Variants in IL1R1 observed in about 807,000 individuals in gnomAD.
The protein encoded by IL1R1 is interleukin-1 receptor type 1.
A neutral mutation model predicts 50.2 loss-of-function variants in IL1R1; 22 were observed. The ratio of observed to expected loss-of-function variants is 0.44; its 90% CI spans 0.31 to 0.63. The LOEUF is 0.63. IL1R1 is among the 20% of genes least tolerant of loss of function. The pLI is 0.07. For missense variants in IL1R1, 509 were observed against 676.2 expected (o/e 0.75, Z 2.74); for synonymous variants, 251 against 236.7 (o/e 1.06, Z -0.55).
intron 2 of IL1R1, among the ~76,000 whole-genome samples, chr2:102,157,022 A>G (rs1338606956): frequency 6.6e-6 from 1 of 152,198 alleles, no homozygotes; most frequent in Non-Finnish European, 1.5e-5. Context: ...TCTACTCTAG[A>G]CATTGCTCCT....
chr2:102,111,972 T>C (rs956280279), intron 1 of IL1R1, among the ~76,000 whole-genome samples: 2 of 152,182 alleles, frequency 1.3e-5, no homozygotes, highest in African/African-American at 4.8e-5. Context: ...GCCATGGCTC[T>C]CTGTGCTCAG....
Position 102,176,423 on chromosome 2 carries a change from A to T in IL1R1, c.1374A>T (p.Thr458=), listed in dbSNP as rs764003883. The change falls in exon 12 of 12, where the codon ACA becomes ACT. Residue 458 remains threonine, a synonymous_variant. Transcript: ENST00000410023. The part of the protein sequence containing the change: ...RRLIIILVRE[T]SGFSWLGGSS... ...TGATTATCATTTTAGTCAGAGAAAC[A>T]TCAGGCTTCAGCTGGCTGGGTGGTT... is the stretch of plus-strand genomic sequence containing the variant. The T allele has an allele frequency of 2.5e-6, 4 of 1,614,108 alleles. No homozygotes were observed. The East Asian group carries it at 8.9e-5, about 36-fold the overall frequency.
chr2:102,139,693 C>T (rs1184804590), upstream of IL1R1, among the ~76,000 whole-genome samples: 1 of 152,144 alleles, frequency 6.6e-6, no homozygotes, highest in African/African-American at 2.4e-5. Context: ...GTGAGTGGCA[C>T]CTCCCGCACC....
At chr2:102,096,346 A>G (rs1335010426) in intron 1 of IL1R1, among the ~76,000 whole-genome samples, 2 of 152,236 alleles carry the variant, frequency 1.3e-5, no homozygotes, top group Non-Finnish European at 2.9e-5. Flanking sequence ...AGTGATTTAT[A>G]TCACATCAAA....
At chr2:102,172,249 A>C in intron 8 of IL1R1, 1 of 984,824 alleles carries the variant, frequency 1.0e-6, no homozygotes, top group African/African-American at 1.7e-5. Flanking sequence ...AATGAGCTCA[A>C]GAATCAGGCA....
intron 1 of IL1R1, among the ~76,000 whole-genome samples, chr2:102,095,297 A>G (rs193082016): frequency 6.6e-6 from 1 of 152,386 alleles, no homozygotes; most frequent in East Asian, 1.9e-4. Flanking sequence ...GTGATGATAA[A>G]GAATGCAGGA....
upstream of IL1R1, among the ~76,000 whole-genome samples, chr2:102,103,638 G>C (rs1559463201): frequency 6.6e-6 from 1 of 152,118 alleles, no homozygotes; most frequent in Non-Finnish European, 1.5e-5. Context: ...GTGATAGGCT[G>C]GACTCTGTAT....
chr2:102,090,749 A>T (rs987769079), intron 1 of IL1R1, among the ~76,000 whole-genome samples: 6 of 151,966 alleles, frequency 3.9e-5, no homozygotes, highest in African/African-American at 1.2e-4. Flanking sequence ...AATCACAGTT[A>T]TTTACAGTCT....
At chr2:102,139,387 C>T (rs1027865540), upstream of IL1R1, among the ~76,000 whole-genome samples, 3 of 152,238 alleles carry the variant, frequency 2.0e-5, no homozygotes, top group Non-Finnish European at 4.4e-5. Context: ...ATGTTGGACA[C>T]GGGGGCTTTG....
intron 1 of IL1R1, among the ~76,000 whole-genome samples, chr2:102,131,492 T>C (rs760803845): frequency 6.6e-6 from 1 of 151,712 alleles, no homozygotes; most frequent in Non-Finnish European, 1.5e-5. Flanking sequence ...CAGAGGTAAG[T>C]AGAGAAACAA....
chr2:102,085,539 G>A (rs1245435155), intron 1 of IL1R1, among the ~76,000 whole-genome samples: 1 of 151,972 alleles, frequency 6.6e-6, no homozygotes, highest in Non-Finnish European at 1.5e-5. Flanking sequence ...AGGTGTGTAT[G>A]AGTCTTTTTC....
At chr2:102,096,455 T>C (rs1411415716) in intron 1 of IL1R1, among the ~76,000 whole-genome samples, 2 of 152,222 alleles carry the variant, frequency 1.3e-5, no homozygotes, top group Admixed American at 1.3e-4. Flanking sequence ...TGTTTCTAAT[T>C]TCCTTGGGTT....
intron 1 of IL1R1, among the ~76,000 whole-genome samples, chr2:102,116,922 C>T (rs988494365): frequency 2.0e-5 from 3 of 152,110 alleles, no homozygotes; most frequent in Non-Finnish European, 4.4e-5. Flanking sequence ...CATGTTCATT[C>T]ATTATTCCAT....
chr2:102,162,181 A>G (rs751740213), intron 3 of IL1R1, among the ~76,000 whole-genome samples: 36 of 152,182 alleles, frequency 2.4e-4, no homozygotes, highest in African/African-American at 5.5e-4. Flanking sequence ...ACATTGTGAA[A>G]TGGTTAACCC....
intron 1 of IL1R1, among the ~76,000 whole-genome samples, chr2:102,117,586 T>G (rs1559471202): frequency 6.6e-6 from 1 of 152,258 alleles, no homozygotes; most frequent in Non-Finnish European, 1.5e-5. Flanking sequence ...CCTAATTTTC[T>G]TCTGGCCTGT....
chr2:102,128,440 T>C (rs1010036160), intron 1 of IL1R1, among the ~76,000 whole-genome samples: 2 of 152,238 alleles, frequency 1.3e-5, no homozygotes, highest in Non-Finnish European at 1.5e-5. Context: ...AATGAATGTT[T>C]GGCAGGTAAT....
intron 3 of IL1R1, among the ~76,000 whole-genome samples, chr2:102,162,342 C>T (rs1684802438): frequency 6.6e-6 from 1 of 152,100 alleles, no homozygotes; most frequent in Admixed American, 6.5e-5. Context: ...CTTTCTTTAG[C>T]CAATCTGATC....
chr2:102,172,163 A>C (rs1021248824), intron 8 of IL1R1: 1 of 546,874 alleles, frequency 1.8e-6, no homozygotes, highest in African/African-American at 2.1e-5. Context: ...TACGTTATAC[A>C]TGTTGCAACA....
chr2:102,105,668 T>C (rs1336273802), intron 1 of IL1R1, among the ~76,000 whole-genome samples: 1 of 152,160 alleles, frequency 6.6e-6, no homozygotes, highest in Non-Finnish European at 1.5e-5. Context: ...CTGGCCTGAA[T>C]GTGCTATGTT....
Sources: gnomAD v4.1 joint callset for allele counts (sites outside exome capture counted in the v4.1 genomes callset) on GRCh38, gnomAD v4.1.1 for gene constraint, MANE v1.5 for transcripts, NCBI Gene and HGNC (gene_info 2026-07-23, HGNC 2026-07-21) for gene names.